Variants in ZNF782 observed in about 807,000 individuals in gnomAD.
ZNF782 encodes zinc finger protein 782.
A neutral mutation model predicts 13.0 loss-of-function variants in ZNF782; 12 were observed. The ratio of observed to expected loss-of-function variants is 0.92; its 90% CI spans 0.59 to 1.50. The LOEUF is 1.50. Among genes scored for constraint, ZNF782 ranks in the 40% most tolerant of loss-of-function variants. ZNF782 has a pLI of 0.00. For synonymous variants in ZNF782, 284 were observed against 283.0 expected (o/e 1.00, Z -0.04); for missense variants, 770 against 822.9 (o/e 0.94, Z 0.79).
At chr9:96,855,108 T>C (rs999601219), upstream of ZNF782, among the ~76,000 whole-genome samples, 3 of 152,208 alleles carry the variant, frequency 2.0e-5, no homozygotes, top group Non-Finnish European at 4.4e-5. Context: ...TCGAGCCCGG[T>C]GCTGCAGGTG....
intron 4 of ZNF782, among the ~76,000 whole-genome samples, chr9:96,827,985 T>C (rs1180742061): frequency 6.6e-6 from 1 of 152,114 alleles, no homozygotes; most frequent in Non-Finnish European, 1.5e-5. Context: ...AATTGGATGT[T>C]TAAGGAAGCC....
the ZNF782 span, chr9:96,894,292 T>C: frequency 1.3e-5 from 2 of 151,930 alleles, no homozygotes; most frequent in South Asian, 2.1e-4. Context: ...TGTATACATA[T>C]GTAACAAACC....
At chr9:96,843,390 G>C (rs948555751) in intron 4 of ZNF782, among the ~76,000 whole-genome samples, 9 of 152,142 alleles carry the variant, frequency 5.9e-5, no homozygotes, top group African/African-American at 2.2e-4. Flanking sequence ...TGGATCTCAA[G>C]AGCATTACGC....
chr9:96,851,510 T>C (rs1851486607), intron 3 of ZNF782, among the ~76,000 whole-genome samples: 1 of 152,128 alleles, frequency 6.6e-6, no homozygotes, highest in Non-Finnish European at 1.5e-5. Context: ...GAAAGTATAG[T>C]TTAATCCAAT....
chr9:96,877,610 T>C (rs564577356), upstream of ZNF782, among the ~76,000 whole-genome samples: 204 of 152,278 alleles, frequency 1.3e-3, no homozygotes, highest in Non-Finnish European at 1.4e-3. Context: ...CTCCGCGAGA[T>C]CTGGGGGCCC....
chr9:96,833,815 A>C (rs957501328), intron 4 of ZNF782, among the ~76,000 whole-genome samples: 2 of 152,070 alleles, frequency 1.3e-5, no homozygotes, highest in African/African-American at 4.8e-5. Context: ...ATTCTCTCTT[A>C]TTTATTCAAT....
At chr9:96,879,264 A>G (rs55718300), upstream of ZNF782, among the ~76,000 whole-genome samples, 12,160 of 152,252 alleles carry the variant, frequency 0.08, 1,488 homozygotes, top group African/African-American at 0.27. Context: ...TTAGGCGGGC[A>G]GATCACGAGG....
intron 1 of ZNF782, among the ~76,000 whole-genome samples, chr9:96,869,645 G>A (rs541046297): frequency 2.6e-5 from 4 of 152,206 alleles, no homozygotes; most frequent in East Asian, 1.9e-4. Flanking sequence ...TGTGACTTTC[G>A]GTGAGTACAC....
upstream of ZNF782, among the ~76,000 whole-genome samples, chr9:96,879,696 G>A (rs893157679): frequency 2.0e-5 from 3 of 152,160 alleles, no homozygotes; most frequent in African/African-American, 4.8e-5. Flanking sequence ...CAAGAGCTAT[G>A]GCCTTAAAAA....
At chr9:96,854,644 G>A (rs1851613471), upstream of ZNF782, among the ~76,000 whole-genome samples, 1 of 152,192 alleles carries the variant, frequency 6.6e-6, no homozygotes, top group African/African-American at 2.4e-5. Flanking sequence ...ACGTTTCGGC[G>A]ATTCAGAATT....
At chr9:96,845,123 G>A in intron 3 of ZNF782, 107 bp from the exon 4 acceptor site, 7 of 1,375,244 alleles carry the variant, frequency 5.1e-6, no homozygotes, top group Non-Finnish European at 6.0e-6. Context: ...AAAACAAAAT[G>A]CTATAAGGGA....
Position 96,819,391 on chromosome 9 carries a change from A to C in ZNF782, c.632T>G (p.Leu211Arg). Residue 211 changes from leucine (L) to arginine (R), a missense_variant, in exon 6 of 6, where the codon CTG becomes CGG. Coordinates refer to ENST00000481138, the MANE Select transcript of ZNF782 (RefSeq NM_001001662.3). Reference sequence around the variant, plus strand: ...TTCATTATATTCAAAATCTTGCCCCAGAGTCTGAATTGTCTGATGTTGAAT... The same window carrying C: ...TTCATTATATTCAAAATCTTGCCCCCGAGTCTGAATTGTCTGATGTTGAAT... ...EVIQHQTIQT[L>R]GQDFEYNESR... 1 of 1,605,572 alleles carries C rather than the reference A, an allele frequency of 6.2e-7. No individual in the cohort carries two copies. Among genetic ancestry groups the C allele is most frequent in the Non-Finnish European group, 8.5e-7 (1 of 1,177,088 alleles).
At chr9:96,889,978 A>G in the ZNF782 span, 1 of 152,188 alleles carries the variant, frequency 6.6e-6, no homozygotes, top group African/African-American at 2.4e-5. Context: ...TGTCATGGGC[A>G]TCTGCTGCTC....
At chr9:96,855,795 T>C (rs1851633635), upstream of ZNF782, among the ~76,000 whole-genome samples, 1 of 152,262 alleles carries the variant, frequency 6.6e-6, no homozygotes, top group South Asian at 2.1e-4. Flanking sequence ...CTGGATCCAA[T>C]GGTAGTTCTA....
intron 1 of ZNF782, among the ~76,000 whole-genome samples, chr9:96,863,321 C>T (rs568841335): frequency 6.6e-6 from 1 of 151,442 alleles, no homozygotes; most frequent in East Asian, 1.9e-4. Flanking sequence ...TACGACCTTG[C>T]TCCTGCAGGA....
chr9:96,881,988 A>AGTGTGT, the ZNF782 span, among the ~76,000 whole-genome samples: 366 of 148,394 alleles, frequency 2.5e-3, 1 homozygote, highest in East Asian at 0.013. Context: ...TGGAAGTATG[A>AGTGTGT]GTGTGTGTGT....
upstream of ZNF782, among the ~76,000 whole-genome samples, chr9:96,879,575 CAG>C (rs770936886): frequency 3.0e-4 from 46 of 152,112 alleles, no homozygotes; most frequent in Non-Finnish European, 6.0e-4. Context: ...AAAGCCTGGG[CAG>C]AGTTGGTGAG....
At chr9:96,922,634 C>G in the ZNF782 span, among the ~76,000 whole-genome samples, 2 of 151,754 alleles carry the variant, frequency 1.3e-5, no homozygotes, top group African/African-American at 4.8e-5. Flanking sequence ...AATAGCCGGG[C>G]CTGGTGGCAG....
the ZNF782 span, chr9:96,888,400 C>T: frequency 6.6e-6 from 1 of 151,934 alleles, no homozygotes; most frequent in Non-Finnish European, 1.5e-5. Flanking sequence ...ATGCATAAAC[C>T]AAAACCAATA....
Sources: allele counts gnomAD v4.1 joint callset (sites outside exome capture counted in the v4.1 genomes callset), GRCh38; gene constraint gnomAD v4.1.1; transcripts MANE v1.5; gene names NCBI Gene and HGNC (gene_info 2026-07-23, HGNC 2026-07-21).